The following PBX3 variants were observed in gnomAD, a reference collection of about 807,000 sequenced individuals.
PBX3 encodes the protein PBX homeobox 3.
PBX3 carries 14 observed loss-of-function variants against 48.5 expected under a neutral mutation model. The ratio of observed to expected loss-of-function variants is 0.29; its 90% CI spans 0.19 to 0.45. The LOEUF (loss-of-function observed/expected upper bound fraction) is 0.45. Ranked by LOEUF, PBX3 falls within the 20% of genes least tolerant of loss-of-function variation. The pLI, the probability that PBX3 is intolerant of heterozygous loss-of-function variation, is 1.00. For synonymous variants in PBX3, 210 were observed against 200.3 expected, an observed-to-expected ratio of 1.05 and a Z score of -0.41; for missense variants, 386 against 546.7, an observed-to-expected ratio of 0.71 and a Z score of 2.93.
intron 2 of PBX3, among the ~76,000 whole-genome samples, chr9:125,886,674 TTAAG>T (rs1235947972): frequency 2.0e-5 from 3 of 152,174 alleles, no homozygotes; most frequent in South Asian, 2.1e-4. Flanking sequence ...CCTTTTCTCA[TTAAG>T]TATTTATTCA....
chr9:125,959,016 C>T (rs7867968), intron 5 of PBX3, among the ~76,000 whole-genome samples: 95,450 of 151,646 alleles, frequency 0.63, 31,534 homozygotes, highest in East Asian at 0.77. Context: ...AAGTATCAGA[C>T]ACTGCTGAGA....
intron 2 of PBX3, among the ~76,000 whole-genome samples, chr9:125,811,538 G>T (rs975075533): frequency 6.6e-6 from 1 of 152,130 alleles, no homozygotes; most frequent in African/African-American, 2.4e-5. Context: ...TTGCTTCCCT[G>T]TGAAGAGGTT....
intron 5 of PBX3, among the ~76,000 whole-genome samples, chr9:125,955,563 A>G (rs1022775451): frequency 2.6e-5 from 4 of 152,148 alleles, no homozygotes; most frequent in Non-Finnish European, 4.4e-5. Context: ...GCAGGCTTGC[A>G]TTTTTGGCTT....
chr9:125,793,366 A>AAAAATATATATATATATATATATATAT (rs59271982), intron 2 of PBX3, among the ~76,000 whole-genome samples: 1 of 101,976 alleles, frequency 9.8e-6, no homozygotes, highest in African/African-American at 4.2e-5. Flanking sequence ...GGAAAAAAAA[A>AAAAATATATATATATATATATATATAT]ATATATATAT....
chr9:125,829,531 A>T (rs374907695), intron 2 of PBX3, among the ~76,000 whole-genome samples: 68 of 152,312 alleles, frequency 4.5e-4, no homozygotes, highest in African/African-American at 1.6e-3. Flanking sequence ...ACTTTTGTAC[A>T]TACGTAAGTT....
At chr9:125,890,421 A>G (rs1840613721) in intron 2 of PBX3, among the ~76,000 whole-genome samples, 1 of 152,204 alleles carries the variant, frequency 6.6e-6, no homozygotes, top group African/African-American at 2.4e-5. Flanking sequence ...TAAATGTACA[A>G]ACATTTTTTG....
chr9:125,847,733 T>TA (rs58321676), intron 2 of PBX3, among the ~76,000 whole-genome samples: 3 of 151,442 alleles, frequency 2.0e-5, no homozygotes, highest in Non-Finnish European at 4.4e-5. Context: ...TTTTTTTTTT[T>TA]AACTGTGTTT....
At chr9:125,806,962 A>C (rs1356824001) in intron 2 of PBX3, among the ~76,000 whole-genome samples, 1 of 152,226 alleles carries the variant, frequency 6.6e-6, no homozygotes, top group Non-Finnish European at 1.5e-5. Flanking sequence ...CTCCTAGGGG[A>C]CACCATAAAC....
In PBX3 at chr9:125,748,601, G is replaced by C. The variant is rs769650467; in HGVS notation, c.252G>C (p.Leu84=). ...HRMKPALFSV[L]CEIKEKTGLS... Reference sequence around the variant, plus strand: ...TGAAACCAGCGCTCTTCAGCGTCCTGTGTGAGATCAAAGAGAAAACAGGTA... The same window carrying C: ...TGAAACCAGCGCTCTTCAGCGTCCTCTGTGAGATCAAAGAGAAAACAGGTA... The change falls in exon 2 of 9, where the codon CTG becomes CTC. Residue 84 remains leucine (L), a synonymous_variant. Transcript: ENST00000373489. The C allele has an allele frequency of 6.2e-6, 10 of 1,613,590 alleles. No homozygotes were observed. The African/African-American group carries it at 1.3e-4, about 22-fold the overall frequency.
chr9:125,792,240 G>A (rs1472456571), intron 2 of PBX3, among the ~76,000 whole-genome samples: 1 of 152,142 alleles, frequency 6.6e-6, no homozygotes, highest in East Asian at 1.9e-4. Flanking sequence ...TTTGAGCTGG[G>A]TCACAAAGGA....
intron 4 of PBX3, among the ~76,000 whole-genome samples, chr9:125,933,961 G>A (rs1841776525): frequency 6.6e-6 from 1 of 151,996 alleles, no homozygotes; most frequent in Admixed American, 6.6e-5. Flanking sequence ...AGCAACACAT[G>A]ACTCCTGCAA....
chr9:125,950,990 G>GTT (rs1334924280), intron 5 of PBX3, among the ~76,000 whole-genome samples: 1 of 152,172 alleles, frequency 6.6e-6, no homozygotes, highest in Non-Finnish European at 1.5e-5. Flanking sequence ...GAGAAAACAA[G>GTT]TTTTATCAGG....
At chr9:125,934,067 C>G (rs1052612382) in intron 4 of PBX3, among the ~76,000 whole-genome samples, 1 of 152,154 alleles carries the variant, frequency 6.6e-6, no homozygotes, top group Admixed American at 6.5e-5. Flanking sequence ...TCATCAAATC[C>G]TGTTGATTTT....
At chr9:125,930,600 A>G (rs1197026763) in intron 4 of PBX3, among the ~76,000 whole-genome samples, 1 of 152,224 alleles carries the variant, frequency 6.6e-6, no homozygotes, top group Admixed American at 6.5e-5. Flanking sequence ...CAGAGGTGAT[A>G]ATTATCATCC....
chr9:125,753,826 C>G (rs939435247), intron 2 of PBX3, among the ~76,000 whole-genome samples: 1 of 152,064 alleles, frequency 6.6e-6, no homozygotes, highest in Non-Finnish European at 1.5e-5. Context: ...ATTTTTCATA[C>G]TATGATGCTT....
intron 2 of PBX3, among the ~76,000 whole-genome samples, chr9:125,913,269 G>A (rs1841246551): frequency 2.6e-5 from 4 of 152,064 alleles, no homozygotes; most frequent in Admixed American, 6.6e-5. Flanking sequence ...TAAATACAAA[G>A]GATTGCATTA....
intron 2 of PBX3, among the ~76,000 whole-genome samples, chr9:125,785,469 C>T (rs1328880737): frequency 3.3e-5 from 5 of 152,206 alleles, no homozygotes; most frequent in Non-Finnish European, 4.4e-5. Flanking sequence ...CCAGGTTCTT[C>T]GGCCTTTGGA....
chr9:125,938,970 T>A (rs1010196258), intron 5 of PBX3, among the ~76,000 whole-genome samples: 1 of 151,310 alleles, frequency 6.6e-6, no homozygotes, highest in African/African-American at 2.4e-5. Flanking sequence ...AAAATGTGTG[T>A]TTGCATGTAT....
rs565527547 is a variant in PBX3 at position 125,782,895 on chromosome 9, T to G, written c.274+34272T>G. On this transcript the variant is annotated intron_variant, in intron 2 of 8. Transcript: ENST00000373489. ...TATGTTGTCCCATTGCTTTTTCACC[T>G]TCATAGTTTCTGATAAGAATTTCCC... 4.6e-5 allele frequency among the ~76,000 whole-genome samples: 7 copies of G among 152,316 alleles called. No individual in the cohort carries two copies. The South Asian group carries it at 1.5e-3, about 32-fold the overall frequency.
Sources: gnomAD v4.1 joint callset for allele counts (sites outside exome capture counted in the v4.1 genomes callset) on GRCh38, gnomAD v4.1.1 for gene constraint, MANE v1.5 for transcripts, NCBI Gene and HGNC (gene_info 2026-07-23, HGNC 2026-07-21) for gene names.